The following CELF2 variants were observed in gnomAD, a reference collection of about 807,000 sequenced individuals.
CELF2 encodes CUGBP Elav-like family member 2.
In CELF2, 8 loss-of-function variants were observed where a neutral mutation model predicts 62.6. That is an observed-to-expected ratio of 0.13 (90% CI 0.07 to 0.23). The LOEUF (loss-of-function observed/expected upper bound fraction) is 0.23, where lower values mean the gene tolerates loss of function less well. Ranked by LOEUF, CELF2 falls within the 10% of genes least tolerant of loss-of-function variation. The pLI is 1.00. For missense variants in CELF2, 333 were observed against 671.0 expected (o/e 0.50, Z 5.56); for synonymous variants, 258 against 250.0 (o/e 1.03, Z -0.30).
At position 11,185,471 on chromosome 10, in the gene CELF2, A is replaced by G. The variant is rs140129884; in HGVS notation, c.271+19789A>G. The stretch of plus-strand genomic sequence containing the variant: ...CTCTTGTCACCCAGGCTAGAGTTCA[A>G]TGGCACGATCTCGGCTCCCCGCAAC... On this transcript the variant is annotated intron_variant, in intron 2 of 12. Transcript: ENST00000633077. Among the ~76,000 whole-genome samples the G allele has an allele frequency of 1.8e-3, 273 of 152,250 alleles. 3 individuals are homozygous for G. The highest frequency in any genetic ancestry group is 0.014 in the Admixed American group (217 of 15,300).
rs1389345777 is a variant in CELF2, at chr10:11,315,721, A to G, written c.1096+1463A>G. Among the ~76,000 whole-genome samples, 3 of 152,122 alleles carry G rather than the reference A, an allele frequency of 2.0e-5. No homozygotes were observed. The highest frequency in any genetic ancestry group is 2.1e-4 in the South Asian group (1 of 4,820). ...TGCCGCGGCCTCATTGTTTTATTCC[A>G]GTTAGAACCGCCTCCAGCTTTGACT... is the stretch of plus-strand genomic sequence containing the variant. On this transcript the variant is annotated intron_variant, in intron 10 of 12. Transcript: ENST00000633077. This position sits in a 1 kb window ranked among gnomAD's most constrained non-coding sequence, Gnocchi z 5.8.
chr10:11,136,837 T>C (rs2060514097), intron 1 of CELF2, among the ~76,000 whole-genome samples: 1 of 152,194 alleles, frequency 6.6e-6, no homozygotes, highest in Non-Finnish European at 1.5e-5. Flanking sequence ...ACTATTAGGA[T>C]GTTACAATTT....
chr10:10,731,981 A>G, the CELF2 span, among the ~76,000 whole-genome samples: 1 of 152,122 alleles, frequency 6.6e-6, no homozygotes, highest in Admixed American at 6.5e-5. Context: ...CTCTTTTGCA[A>G]GATAAGCAAC....
chr10:10,836,104 G>A (rs12769642), intron 1 of CELF2, among the ~76,000 whole-genome samples: 20,944 of 152,116 alleles, frequency 0.14, 1,686 homozygotes, highest in Non-Finnish European at 0.19. Flanking sequence ...GTGGAACTTA[G>A]AGAAGAATTC....
intron 8 of CELF2, among the ~76,000 whole-genome samples, chr10:11,282,585 T>G (rs536363168): frequency 9.2e-5 from 14 of 152,336 alleles, no homozygotes; most frequent in African/African-American, 3.1e-4. Flanking sequence ...TCTGAGAGCT[T>G]CTTTTTTGAG....
intron 1 of CELF2, among the ~76,000 whole-genome samples, chr10:10,853,103 C>T (rs761247452): frequency 4.6e-5 from 7 of 152,110 alleles, no homozygotes; most frequent in Admixed American, 6.6e-5. Context: ...CTCTGCCTCC[C>T]GAGTAAGTGG....
At chr10:11,288,359 T>C (rs185782901) in intron 8 of CELF2, 59 bp from the exon 9 acceptor site, 39 of 1,593,014 alleles carry the variant, frequency 2.4e-5, no homozygotes, top group Non-Finnish European at 3.3e-5. Flanking sequence ...CTGCTCTTGT[T>C]TGGAAACTGT....
the CELF2 span, among the ~76,000 whole-genome samples, chr10:10,592,089 A>G: frequency 6.6e-6 from 1 of 152,242 alleles, no homozygotes; most frequent in African/African-American, 2.4e-5. Context: ...ATAAAAGGAA[A>G]TTAAGTAAAA....
At chr10:10,462,997 G>A in the CELF2 span, among the ~76,000 whole-genome samples, 1 of 152,050 alleles carries the variant, frequency 6.6e-6, no homozygotes, top group Non-Finnish European at 1.5e-5. Flanking sequence ...TAACGAGTCT[G>A]CTGTTTACTC....
the CELF2 span, among the ~76,000 whole-genome samples, chr10:10,604,007 G>A: frequency 5.9e-3 from 894 of 152,178 alleles, 2 homozygotes; most frequent in Non-Finnish European, 8.2e-3. Context: ...TCAGCAGTTC[G>A]AGACCAGCCT....
At chr10:11,284,464 AGT>A (rs1281570689) in intron 8 of CELF2, among the ~76,000 whole-genome samples, 1 of 135,948 alleles carries the variant, frequency 7.4e-6, no homozygotes, top group Admixed American at 7.5e-5. Flanking sequence ...ATGAGGGATG[AGT>A]GTGTGGTGGG....
rs571293999 is a variant in CELF2, at chr10:10,980,890, T to C, written c.89+60891T>C. Among the ~76,000 whole-genome samples the C allele has an allele frequency of 8.4e-4, 128 of 152,290 alleles. 2 individuals carry two copies. The highest frequency in any genetic ancestry group is 2.1e-3 in the South Asian group (10 of 4,818). On this transcript the variant is annotated intron_variant, in intron 2 of 13. Transcript: ENST00000636488. ...CCCACCTTGGCCTCCCATTGTACTG[T>C]GATTGCAGGCATGAGCCACCACACA...
At position 11,140,958 on chromosome 10, in the gene CELF2, A is replaced by G. The variant is rs189191364; in HGVS notation, c.75-24528A>G. On this transcript the variant is annotated intron_variant, in intron 1 of 12. Coordinates refer to ENST00000633077, the MANE Select transcript of CELF2 (RefSeq NM_001326342.2). ...CTTGCGCCGGGGGTGTTGAGGCTAC[A>G]GTGAGCGTGATCACACCACTGCCCT... 5.3e-5 allele frequency among the ~76,000 whole-genome samples: 8 copies of G among 152,364 alleles called. No homozygotes were observed. The East Asian group carries it at 1.2e-3, about 22-fold the overall frequency.
the CELF2 span, among the ~76,000 whole-genome samples, chr10:10,645,486 C>T: frequency 1.3e-5 from 2 of 152,038 alleles, no homozygotes; most frequent in Non-Finnish European, 2.9e-5. Flanking sequence ...GACCTAGTCT[C>T]TACCAAAAAA....
In CELF2 at chr10:11,271,224, G is replaced by A. The variant is rs147008383; in HGVS notation, c.777+400G>A. Among the ~76,000 whole-genome samples the A allele has an allele frequency of 1.1e-3, 161 of 152,310 alleles. 1 individual carries two copies. The highest frequency in any genetic ancestry group is 1.2e-3 in the Non-Finnish European group (85 of 68,020). ...TTCCATTCCATGATCCTGGCTCTTC[G>A]CAGTGGAACCAGATTGATGAAATCA... On this transcript the variant is annotated intron_variant, in intron 7 of 12. Transcript: ENST00000633077.
At chr10:10,539,493 A>C in the CELF2 span, among the ~76,000 whole-genome samples, 1 of 103,642 alleles carries the variant, frequency 9.6e-6, no homozygotes, top group Non-Finnish European at 1.8e-5. Context: ...TTATTTGCCC[A>C]TTAGATTTTC....
chr10:10,481,672 G>T, the CELF2 span, among the ~76,000 whole-genome samples: 1 of 152,220 alleles, frequency 6.6e-6, no homozygotes, highest in African/African-American at 2.4e-5. Context: ...AATTGGGTCA[G>T]CAAGTCTTGG....
At chr10:10,834,238 G>A (rs959079907) in intron 1 of CELF2, among the ~76,000 whole-genome samples, 12 of 152,170 alleles carry the variant, frequency 7.9e-5, no homozygotes, top group Non-Finnish European at 1.0e-4. Flanking sequence ...GTGTTCTCAC[G>A]TATAAGTGGG....
the CELF2 span, among the ~76,000 whole-genome samples, chr10:10,685,976 A>T: frequency 1.3e-5 from 2 of 152,096 alleles, no homozygotes; most frequent in Admixed American, 1.3e-4. Flanking sequence ...GTGGCCTGGG[A>T]GTGGCTTGCC....
Sources: gnomAD v4.1 joint callset for allele counts (sites outside exome capture counted in the v4.1 genomes callset) on GRCh38, gnomAD v4.1.1 for gene constraint, Gnocchi (gnomAD v3.1) non-coding constraint, MANE v1.5 for transcripts, NCBI Gene and HGNC (gene_info 2026-07-23, HGNC 2026-07-21) for gene names.